MRGPRE: variants seen among roughly 807,000 people sequenced by gnomAD.
The protein encoded by MRGPRE is mas-related G protein-coupled receptor member E.
For synonymous variants in MRGPRE, 229 were observed against 206.7 expected (o/e 1.11, Z -0.92); for missense variants, 466 against 433.4 (o/e 1.08, Z -0.67).
At position 3,228,167 on chromosome 11, in the gene MRGPRE, TG is replaced by T; in HGVS notation, c.632del (p.Pro211HisfsTer100). ...LRVERGPQRP[P>X]PRGFPGLILL... ...GGATGAGCCCAGGGAAGCCCCGGGG[TG>T]GGGGCCGCTGGGGGCCTCGCTCCAC... is the stretch of plus-strand genomic sequence containing the variant. On this transcript the variant is annotated frameshift_variant, in exon 2 of 2. Coordinates refer to ENST00000389832, the MANE Select transcript of MRGPRE (RefSeq NM_001039165.4). LOFTEE classifies it low-confidence loss of function (END_TRUNC). 6.4e-7 allele frequency: 1 copy of T among 1,565,628 alleles called. No individual in the cohort carries two copies. The highest frequency in any genetic ancestry group is 1.2e-5 in the South Asian group (1 of 85,506).
chr11:3,227,951 C>A lies in MRGPRE; in HGVS notation c.849G>T (p.Arg283=), dbSNP rs1466237242. 2 of 1,562,040 alleles carry A rather than the reference C, an allele frequency of 1.3e-6. No individual in the cohort carries two copies. Among genetic ancestry groups the A allele is most frequent in the East Asian group, 2.3e-5 (1 of 43,008 alleles). ...CTCCCAGCGCTCGCTGGAGGACCAGCCGGAGGGGCAGCCTGCGGCCCTGGG... is the reference window on the plus strand; with the variant it reads ...CTCCCAGCGCTCGCTGGAGGACCAGACGGAGGGGCAGCCTGCGGCCCTGGG... The part of the protein sequence containing the change: ...GSAQGRRLPL[R]LVLQRALGDE... The change falls in exon 2 of 2, where the codon CGG becomes CGT. Residue 283 remains arginine, a synonymous_variant. Coordinates refer to ENST00000389832, the MANE Select transcript of MRGPRE (RefSeq NM_001039165.4).
At position 3,232,298 on chromosome 11, in the gene MRGPRE, G is replaced by C. The variant is rs1847841001; in HGVS notation, c.-219C>G. ...AGTCACATGGCATCCAGCTGGAATG[G>C]GGCCGGTCAGGAAGGTGTCTCTCTG... On this transcript the variant is annotated 5_prime_UTR_variant, in exon 1 of 2. Transcript: ENST00000389832. 1 of 152,456 alleles carries C rather than the reference G, an allele frequency of 6.6e-6. No individual in the cohort carries two copies. The highest frequency in any genetic ancestry group is 2.4e-5 in the African/African-American group (1 of 41,456). 9.4% of individuals were successfully genotyped at this position (152,456 alleles called of 1,614,324 possible).
At position 3,230,329 on chromosome 11, in the gene MRGPRE, G is replaced by C. The variant is rs1305688798; in HGVS notation, c.-61-1469C>G. Among the ~76,000 whole-genome samples, 1 of 151,960 alleles carries C rather than the reference G, an allele frequency of 6.6e-6. No individual in the cohort carries two copies. Among genetic ancestry groups the C allele is most frequent in the African/African-American group, 2.4e-5 (1 of 41,386 alleles). ...TGGGAGGGCTGGGGTTTGGGGTGAG[G>C]AGGGTGGGGGTACAAGCAGAAACCC... On this transcript the variant is annotated intron_variant, in intron 1 of 1. Transcript: ENST00000389832. This position sits in a 1 kb window ranked among gnomAD's most constrained non-coding sequence, Gnocchi z 5.5.
Position 3,228,599 on chromosome 11 carries a change from G to A in MRGPRE, c.201C>T (p.Cys67=), listed in dbSNP as rs11026040. 0.15 allele frequency: 238,856 copies of A among 1,613,788 alleles called. 21,144 individuals are homozygous for A. The highest frequency in any genetic ancestry group is 0.32 in the Admixed American group (19,426 of 60,024). ...PFAIYLLDVA[C]ADLIFLGCHM... The stretch of plus-strand genomic sequence containing the variant: ...GGCAGCCAAGGAAGATGAGATCCGC[G>A]CAGGCCACGTCCAGGAGGTAGATGG... Residue 67 remains cysteine, a synonymous_variant, in exon 2 of 2, where the codon TGC becomes TGT. Coordinates refer to ENST00000389832, the MANE Select transcript of MRGPRE (RefSeq NM_001039165.4).
chr11:3,228,542 T>A lies in MRGPRE; in HGVS notation c.258A>T (p.Gln86His). The part of the protein sequence containing the change: ...HMVAIVPDLL[Q>H]GRLDFPGFVQ... The stretch of plus-strand genomic sequence containing the variant: ...CGAAGCCCGGGAAGTCCAGCCGGCC[T>A]TGCAGCAAGTCGGGGACGATGGCCA... Residue 86 changes from glutamine to histidine, a missense_variant, in exon 2 of 2, where the codon CAA becomes CAT. By Grantham distance (24) the Gln-to-His change is conservative (BLOSUM62 0). Transcript: ENST00000389832. 1 of 1,613,760 alleles carries A rather than the reference T, an allele frequency of 6.2e-7. No homozygotes were observed. Among genetic ancestry groups the A allele is most frequent in the South Asian group, 1.1e-5 (1 of 91,076 alleles).
rs1381016163 is a variant in MRGPRE at position 3,228,234 on chromosome 11, C to A, written c.566G>T (p.Cys189Phe). 6 of 1,553,762 alleles carry A rather than the reference C, an allele frequency of 3.9e-6. No individual in the cohort carries two copies. The South Asian group carries it at 7.1e-5, about 18-fold the overall frequency. ...LVAAVLLALLCCTMCGASLML... is the reference protein window; with the variant it reads ...LVAAVLLALLFCTMCGASLML... ...AAGGCTGGCCCCACACATGGTGCAA[C>A]ACAGCAGAGCCAGCAGCACCGCTGC... The change falls in exon 2 of 2, where the codon TGT (cysteine) becomes TTT (phenylalanine). Residue 189 changes from cysteine to phenylalanine, a missense_variant. Coordinates refer to ENST00000389832, the MANE Select transcript of MRGPRE (RefSeq NM_001039165.4).
rs1239434092 is a variant in MRGPRE, at chr11:3,231,043, C to T, written c.-62+1098G>A. On this transcript the variant is annotated intron_variant, in intron 1 of 1. Transcript: ENST00000389832. The surrounding 1 kb of genome is among the most constrained non-coding windows in gnomAD (Gnocchi z 4.7). The stretch of plus-strand genomic sequence containing the variant: ...GGTCTTAAGTCTGTTGATGGTGGAC[C>T]CCCTCCCAGGCACAAGTCCCGTCCA... 1.3e-5 allele frequency among the ~76,000 whole-genome samples: 2 copies of T among 151,894 alleles called. No individual in the cohort carries two copies. The highest frequency in any genetic ancestry group is 4.8e-5 in the African/African-American group (2 of 41,328).
Position 3,228,569 on chromosome 11 carries a change from C to G in MRGPRE, c.231G>C (p.Met77Ile). The change falls in exon 2 of 2, where the codon ATG becomes ATC. Residue 77 changes from methionine (M) to isoleucine (I), a missense_variant. Physicochemically the swap from Met to Ile is conservative, Grantham distance 10. Transcript: ENST00000389832. ...CADLIFLGCH[M>I]VAIVPDLLQG... ...GCAGCAAGTCGGGGACGATGGCCAC[C>G]ATGTGGCAGCCAAGGAAGATGAGAT... The G allele has an allele frequency of 1.2e-6, 2 of 1,613,566 alleles. No homozygotes were observed. Among genetic ancestry groups the G allele is most frequent in the South Asian group, 2.2e-5 (2 of 91,070 alleles).
In MRGPRE at chr11:3,230,922, A is replaced by C. The variant is rs1590773223; in HGVS notation, c.-62+1219T>G. On this transcript the variant is annotated intron_variant, in intron 1 of 1. Transcript: ENST00000389832. The surrounding 1 kb of genome is among the most constrained non-coding windows in gnomAD (Gnocchi z 5.5). ...GGCATCACTGCCATGGCAGGTGGGG[A>C]GATGTGGGGAGGGGGACAGATGCTC... Among the ~76,000 whole-genome samples, 1 of 148,880 alleles carries C rather than the reference A, an allele frequency of 6.7e-6. No individual in the cohort carries two copies. Among genetic ancestry groups the C allele is most frequent in the Non-Finnish European group, 1.5e-5 (1 of 67,182 alleles).
Position 3,230,801 on chromosome 11 carries a change from C to T in MRGPRE, c.-62+1340G>A, listed in dbSNP as rs945869243. 5.3e-5 allele frequency among the ~76,000 whole-genome samples: 8 copies of T among 152,090 alleles called. No homozygotes were observed. Among genetic ancestry groups the T allele is most frequent in the South Asian group, 4.2e-4 (2 of 4,818 alleles). On this transcript the variant is annotated intron_variant, in intron 1 of 1. Transcript: ENST00000389832. This position sits in a 1 kb window ranked among gnomAD's most constrained non-coding sequence, Gnocchi z 5.5. Reference sequence around the variant, plus strand: ...TGCTCCATCCTAGCACCCAAGGCCCCGGGAAGGCAGACCATGGGTGGGAGG... The same window carrying T: ...TGCTCCATCCTAGCACCCAAGGCCCTGGGAAGGCAGACCATGGGTGGGAGG...
rs1281847176 is a variant in MRGPRE at position 3,228,167 on chromosome 11, T to A, written c.633A>T (p.Pro211=). ...LRVERGPQRP[P]PRGFPGLILL... is the part of the protein sequence containing the mutation. ...GGATGAGCCCAGGGAAGCCCCGGGG[T>A]GGGGGCCGCTGGGGGCCTCGCTCCA... is the stretch of plus-strand genomic sequence containing the variant. Residue 211 remains proline, a synonymous_variant, in exon 2 of 2, where the codon CCA becomes CCT. Coordinates refer to ENST00000389832, the MANE Select transcript of MRGPRE (RefSeq NM_001039165.4). 7 of 1,565,628 alleles carry A rather than the reference T, an allele frequency of 4.5e-6. No homozygotes were observed. The highest frequency in any genetic ancestry group is 5.2e-6 in the Non-Finnish European group (6 of 1,155,542).
Position 3,228,344 on chromosome 11 carries a change from C to T in MRGPRE, c.456G>A (p.Leu152=), listed in dbSNP as rs1847788535. The T allele has an allele frequency of 6.4e-7, 1 of 1,569,968 alleles. No individual in the cohort carries two copies. The change falls in exon 2 of 2, where the codon CTG becomes CTA. Residue 152 remains leucine (L), a synonymous_variant. Coordinates refer to ENST00000389832, the MANE Select transcript of MRGPRE (RefSeq NM_001039165.4). The part of the protein sequence containing the change: ...CVCALTWALC[L]LLHLLLSGAC... ...CGCCGCTGAGCAGCAGGTGCAGCAGCAGGCAGAGGGCCCAGGTGAGGGCGC... is the reference window on the plus strand; with the variant it reads ...CGCCGCTGAGCAGCAGGTGCAGCAGTAGGCAGAGGGCCCAGGTGAGGGCGC...
rs937612076 is a variant in MRGPRE at position 3,225,137 on chromosome 11, T to C, written c.*2724A>G. On this transcript the variant is annotated 3_prime_UTR_variant, in exon 2 of 2. Transcript: ENST00000389832. ...CGTGAAGACGCCATGCAGCGCAGGC[T>C]GATTTACAGACTCGTACCCGGGCGC... Among the ~76,000 whole-genome samples the C allele has an allele frequency of 6.6e-6, 1 of 152,254 alleles. No homozygotes were observed. The highest frequency in any genetic ancestry group is 1.5e-5 in the Non-Finnish European group (1 of 68,044).
In MRGPRE at chr11:3,227,343, TC is replaced by T. The variant is rs997426170; in HGVS notation, c.*517del. Among the ~76,000 whole-genome samples, 20 of 152,198 alleles carry T rather than the reference TC, an allele frequency of 1.3e-4. No homozygotes were observed. The highest frequency in any genetic ancestry group is 4.6e-4 in the African/African-American group (19 of 41,530). On this transcript the variant is annotated 3_prime_UTR_variant, in exon 2 of 2. Transcript: ENST00000389832. ...GAGGGGGTCAAGTTTTGGGCAGTCT[TC>T]CATTTTAGGGTCAATTTAGCTTCCA... is the stretch of plus-strand genomic sequence containing the variant.
At position 3,228,118 on chromosome 11, in the gene MRGPRE, AGAG is replaced by A. The variant is rs1847784308; in HGVS notation, c.679_681del (p.Leu227del). On this transcript the variant is annotated inframe_deletion, in exon 2 of 2. Coordinates refer to ENST00000389832, the MANE Select transcript of MRGPRE (RefSeq NM_001039165.4). ...TAGATGCCGAAGGGCAGGCCGCAGA[AGAG>A]GAAGAGGAGGACGGTGAGGAGGATG... 3.8e-6 allele frequency: 6 copies of A among 1,592,626 alleles called. No individual in the cohort carries two copies. The highest frequency in any genetic ancestry group is 5.1e-6 in the Non-Finnish European group (6 of 1,170,136).
chr11:3,226,075 C>G lies in MRGPRE; in HGVS notation c.*1786G>C, dbSNP rs955860829. The G allele has an allele frequency of 3.3e-5, 5 of 152,210 alleles. No homozygotes were observed. The highest frequency in any genetic ancestry group is 1.2e-4 in the African/African-American group (5 of 41,382). 9.4% of individuals were successfully genotyped at this position (152,210 alleles called of 1,614,324 possible). A position where few individuals can be genotyped will look rare whatever the true frequency, so the allele number is the denominator to read the frequency against. ...AGTCACCTTCTGGCTTTGCAGCTTT[C>G]CTGTGGTCCTGAACGGCCACATAGC... is the stretch of plus-strand genomic sequence containing the variant. On this transcript the variant is annotated 3_prime_UTR_variant, in exon 2 of 2. Coordinates refer to ENST00000389832, the MANE Select transcript of MRGPRE (RefSeq NM_001039165.4).
rs60799467 is a variant in MRGPRE at position 3,229,212 on chromosome 11, CTTTTT to C, written c.-61-357_-61-353del. Among the ~76,000 whole-genome samples the C allele has an allele frequency of 1.1e-4, 14 of 126,648 alleles. No individual in the cohort carries two copies. Among genetic ancestry groups the C allele is most frequent in the Non-Finnish European group, 2.1e-4 (13 of 61,634 alleles). The allele number at this position is 126,648 out of a possible 152,430, so 83.1% of individuals were successfully genotyped here. A position where few individuals can be genotyped will look rare whatever the true frequency, so the allele number is the denominator to read the frequency against. On this transcript the variant is annotated intron_variant, in intron 1 of 1. Coordinates refer to ENST00000389832, the MANE Select transcript of MRGPRE (RefSeq NM_001039165.4). The surrounding 1 kb of genome is among the most constrained non-coding windows in gnomAD (Gnocchi z 4.4). ...GTGGTGCCTTGATCCTCAGAATGGG[CTTTTT>C]TTTTTTTTTTTTTTTTTTTTTTTTG...
In MRGPRE at chr11:3,228,445, C is replaced by T. The variant is rs1242909944; in HGVS notation, c.355G>A (p.Val119Met). The change falls in exon 2 of 2, where the codon GTG becomes ATG. Residue 119 changes from valine (V) to methionine (M), a missense_variant. Val to Met is a conservative substitution (Grantham distance 21). Coordinates refer to ENST00000389832, the MANE Select transcript of MRGPRE (RefSeq NM_001039165.4). ...VGLSLLAAVS[V>M]EQCLAALFPA... is the part of the protein sequence containing the mutation. ...AAGAGGGCGGCCAGGCACTGCTCCACGCTGACGGCCGCCAGGAGACTCAGG... is the reference window on the plus strand; with the variant it reads ...AAGAGGGCGGCCAGGCACTGCTCCATGCTGACGGCCGCCAGGAGACTCAGG... 1.6e-5 allele frequency: 25 copies of T among 1,611,526 alleles called. No homozygotes were observed. The highest frequency in any genetic ancestry group is 1.9e-5 in the Non-Finnish European group (22 of 1,179,754).
chr11:3,228,734 G>GGC lies in MRGPRE; in HGVS notation c.64_65dup (p.Phe23ProfsTer90), dbSNP rs756829250. ...TGAGGGACAGGATGATGAGGTTGAA[G>GGC]GCCACATCCTCCTGGGCGCCGTTGG... On this transcript the variant is annotated frameshift_variant, in exon 2 of 2. Transcript: ENST00000389832. LOFTEE classifies it low-confidence loss of function (END_TRUNC). 1 of 1,613,716 alleles carries GGC rather than the reference G, an allele frequency of 6.2e-7. No homozygotes were observed. Among genetic ancestry groups the GGC allele is most frequent in the South Asian group, 1.1e-5 (1 of 91,058 alleles).
Sources: gnomAD v4.1 joint callset for allele counts (sites outside exome capture counted in the v4.1 genomes callset) on GRCh38, gnomAD v4.1.1 for gene constraint, Gnocchi (gnomAD v3.1) non-coding constraint, MANE v1.5 for transcripts, NCBI Gene and HGNC (gene_info 2026-07-23, HGNC 2026-07-21) for gene names.